The following SPMIP6 variants were observed in gnomAD, a reference collection of about 807,000 sequenced individuals.
SPMIP6 encodes sperm microtubule inner protein 6, also known as ciliated bronchial epithelial protein 1.
At chr9:34,388,534 T>C in the SPMIP6 span, among the ~76,000 whole-genome samples, 1 of 152,190 alleles carries the variant, frequency 6.6e-6, no homozygotes, top group Non-Finnish European at 1.5e-5. Flanking sequence ...AGACTAGGAT[T>C]ACCAGTTCCT....
the SPMIP6 span, among the ~76,000 whole-genome samples, chr9:34,391,908 T>G: frequency 2.2e-4 from 34 of 151,562 alleles, 1 homozygote; most frequent in Middle Eastern, 0.017. Context: ...TTGCTTTTTT[T>G]GGGGGTTGGG....
chr9:34,390,075 G>A, the SPMIP6 span: 1 of 151,722 alleles, frequency 6.6e-6, no homozygotes, highest in Non-Finnish European at 1.5e-5. Context: ...TATATATGCA[G>A]TTGTATTATC....
chr9:34,380,811 A>G, the SPMIP6 span: 1 of 1,497,174 alleles, frequency 6.7e-7, no homozygotes, highest in Non-Finnish European at 8.9e-7. Context: ...CCTGCACGGA[A>G]GCTGGCCGGG....
the SPMIP6 span, among the ~76,000 whole-genome samples, chr9:34,380,169 C>T: frequency 6.6e-6 from 1 of 152,136 alleles, no homozygotes; most frequent in African/African-American, 2.4e-5. Context: ...TGGAGAGGGG[C>T]GGGGGATCAC....
chr9:34,385,454 C>T, the SPMIP6 span, among the ~76,000 whole-genome samples: 2 of 145,818 alleles, frequency 1.4e-5, no homozygotes, highest in East Asian at 4.1e-4. Context: ...ATCACTTGAA[C>T]CTGGGAGGTG....
chr9:34,397,571 A>T, the SPMIP6 span: 14 of 1,613,466 alleles, frequency 8.7e-6, no homozygotes, highest in Non-Finnish European at 1.2e-5. Context: ...TGGAGGTGGG[A>T]GCCCTGTAGG....
the SPMIP6 span, among the ~76,000 whole-genome samples, chr9:34,391,677 T>C: frequency 6.6e-6 from 1 of 152,184 alleles, no homozygotes; most frequent in African/African-American, 2.4e-5. Flanking sequence ...ATTTTGGTTA[T>C]CTTTTTGTTG....
At chr9:34,397,275 C>T in the SPMIP6 span, among the ~76,000 whole-genome samples, 1 of 152,164 alleles carries the variant, frequency 6.6e-6, no homozygotes, top group East Asian at 1.9e-4. Context: ...TTATAAAACT[C>T]ATGTTTATTT....
the SPMIP6 span, among the ~76,000 whole-genome samples, chr9:34,383,941 A>T: frequency 6.6e-6 from 1 of 152,188 alleles, no homozygotes; most frequent in Non-Finnish European, 1.5e-5. Flanking sequence ...TCACAAATGA[A>T]AATTTGACCA....
chr9:34,397,576 T>C, the SPMIP6 span: 2 of 1,613,506 alleles, frequency 1.2e-6, no homozygotes, highest in African/African-American at 2.7e-5. Context: ...GTGGGAGCCC[T>C]GTAGGAGTCA....
At chr9:34,393,053 T>G in the SPMIP6 span, among the ~76,000 whole-genome samples, 1 of 152,206 alleles carries the variant, frequency 6.6e-6, no homozygotes, top group Non-Finnish European at 1.5e-5. Flanking sequence ...TTTCCAAATA[T>G]CATGCAGATT....
At chr9:34,382,876 A>G in the SPMIP6 span, 1 of 1,567,626 alleles carries the variant, frequency 6.4e-7, no homozygotes, top group Non-Finnish European at 8.8e-7. Context: ...TCTGCTGGAT[A>G]ATAGGGGTGG....
At chr9:34,382,914 C>G in the SPMIP6 span, 1 of 1,229,524 alleles carries the variant, frequency 8.1e-7, no homozygotes, top group South Asian at 1.2e-5. Flanking sequence ...ACTTCTTACT[C>G]TACTCCAGGA....
the SPMIP6 span, among the ~76,000 whole-genome samples, chr9:34,392,624 G>T: frequency 6.6e-6 from 1 of 152,134 alleles, no homozygotes; most frequent in Non-Finnish European, 1.5e-5. This position sits in a 1 kb window ranked among gnomAD's most constrained non-coding sequence, Gnocchi z 4.6. Context: ...TTACACAATT[G>T]TGGATACTGG....
chr9:34,387,607 CTA>C, the SPMIP6 span, among the ~76,000 whole-genome samples: 4 of 152,134 alleles, frequency 2.6e-5, no homozygotes, highest in Admixed American at 2.0e-4. Context: ...CACTTACACA[CTA>C]AACACAGATA....
the SPMIP6 span, among the ~76,000 whole-genome samples, chr9:34,396,288 C>T: frequency 7.2e-5 from 11 of 152,238 alleles, no homozygotes; most frequent in African/African-American, 2.4e-4. Context: ...CTACATTCAG[C>T]GTATATTTAT....
At chr9:34,381,805 A>G in the SPMIP6 span, 1 of 980,126 alleles carries the variant, frequency 1.0e-6, no homozygotes, top group Non-Finnish European at 1.2e-6. The surrounding 1 kb of genome is among the most constrained non-coding windows in gnomAD (Gnocchi z 4.4). Context: ...ATTCCGGAGA[A>G]CTTGTGAAAG....
chr9:34,379,509 T>G, the SPMIP6 span: 1 of 799,532 alleles, frequency 1.3e-6, no homozygotes, highest in Non-Finnish European at 2.2e-6. The surrounding 1 kb of genome is among the most constrained non-coding windows in gnomAD (Gnocchi z 4.2). Context: ...TCCATGCCAC[T>G]AGCTCCCCCT....
At chr9:34,382,366 T>C in the SPMIP6 span, among the ~76,000 whole-genome samples, 4 of 152,272 alleles carry the variant, frequency 2.6e-5, no homozygotes, top group African/African-American at 9.6e-5. Flanking sequence ...GGTGGATCAC[T>C]TGAGGCCAGG....
Sources: allele counts gnomAD v4.1 joint callset (sites outside exome capture counted in the v4.1 genomes callset), GRCh38; gene constraint gnomAD v4.1.1; non-coding constraint Gnocchi (gnomAD v3.1); transcripts MANE v1.5; gene names NCBI Gene and HGNC (gene_info 2026-07-23, HGNC 2026-07-21).